Variants in MAMDC2 observed in about 807,000 individuals in gnomAD.
MAMDC2 encodes MAM domain-containing protein 2.
MAMDC2 carries 57 observed loss-of-function variants against 89.8 expected under a neutral mutation model. The ratio of observed to expected loss-of-function variants is 0.63; its 90% confidence interval spans 0.51 to 0.79. The LOEUF (loss-of-function observed/expected upper bound fraction) is 0.79. MAMDC2 is among the 30% of genes least tolerant of loss of function. The pLI, the probability that MAMDC2 is intolerant of heterozygous loss-of-function variation, is 0.00. For missense variants in MAMDC2, 800 were observed against 820.6 expected, an observed-to-expected ratio of 0.97 and a Z score of 0.31; for synonymous variants, 313 against 293.4, an observed-to-expected ratio of 1.07 and a Z score of -0.68.
At chr9:70,159,133 G>A (rs1200005934) in intron 9 of MAMDC2, among the ~76,000 whole-genome samples, 1 of 151,852 alleles carries the variant, frequency 6.6e-6, no homozygotes, top group African/African-American at 2.4e-5. Flanking sequence ...ATTATCATGT[G>A]CTCTTATATG....
In MAMDC2 at chr9:70,170,523, G is replaced by C; in HGVS notation, c.1543G>C (p.Glu515Gln). Reference sequence around the variant, plus strand: ...TGGAGAGTGTACTTTCGAGCAAGATGAATGTACATTTACTCAGGAGAAAAG... The same window carrying C: ...TGGAGAGTGTACTTTCGAGCAAGATCAATGTACATTTACTCAGGAGAAAAG... ...PPGECTFEQD[E>Q]CTFTQEKRNR... The change falls in exon 11 of 14, where the codon GAA becomes CAA. Residue 515 changes from glutamate (E) to glutamine (Q), a missense_variant. Coordinates refer to ENST00000377182, the MANE Select transcript of MAMDC2 (RefSeq NM_153267.5). 1 of 1,612,876 alleles carries C rather than the reference G, an allele frequency of 6.2e-7. No homozygotes were observed. The highest frequency in any genetic ancestry group is 8.5e-7 in the Non-Finnish European group (1 of 1,179,764).
chr9:70,142,407 A>G (rs1293098295), intron 8 of MAMDC2, among the ~76,000 whole-genome samples: 1 of 152,182 alleles, frequency 6.6e-6, no homozygotes, highest in African/African-American at 2.4e-5. Context: ...TTGGAATTTT[A>G]TTATAGAGGA....
chr9:70,078,925 C>T (rs537696778), intron 2 of MAMDC2, among the ~76,000 whole-genome samples: 27 of 152,156 alleles, frequency 1.8e-4, no homozygotes, highest in Non-Finnish European at 3.8e-4. Flanking sequence ...AGGAATTCTA[C>T]CTCCTTAGGA....
At chr9:70,192,551 G>A (rs2032901721) in intron 11 of MAMDC2, among the ~76,000 whole-genome samples, 1 of 152,010 alleles carries the variant, frequency 6.6e-6, no homozygotes, top group Admixed American at 6.6e-5. Flanking sequence ...GAGGGGAAGA[G>A]TATAAAAATT....
intron 2 of MAMDC2, among the ~76,000 whole-genome samples, chr9:70,073,333 G>A (rs549457338): frequency 5.1e-4 from 78 of 152,302 alleles, no homozygotes; most frequent in Non-Finnish European, 7.8e-4. Context: ...TACCTGAAGA[G>A]CACTGAATAT....
At chr9:70,094,997 A>T (rs2997687) in intron 2 of MAMDC2, among the ~76,000 whole-genome samples, 1,604 of 152,292 alleles carry the variant, frequency 0.011, 38 homozygotes, top group African/African-American at 0.037. Flanking sequence ...TGAAGTATAG[A>T]GTGAGCTAAG....
In MAMDC2 at chr9:70,126,362, A is replaced by C. The variant is rs1047202867; in HGVS notation, c.847A>C (p.Asn283His). Residue 283 changes from asparagine to histidine, a missense_variant, in exon 6 of 14, where the codon AAT becomes CAT. Physicochemically the swap from Asn to His is moderately conservative, Grantham distance 68 (BLOSUM62 1). Transcript: ENST00000377182. ...EEIWKADRPGNAAWNLAEVEF... is the reference protein window; with the variant it reads ...EEIWKADRPGHAAWNLAEVEF... ...AATCTGGAAAGCAGACAGGCCAGGG[A>C]ATGCTGCCTGGAACCTTGCGGAGGT... 2.5e-5 allele frequency: 41 copies of C among 1,613,928 alleles called. No individual in the cohort carries two copies. The highest frequency in any genetic ancestry group is 3.4e-5 in the Non-Finnish European group (40 of 1,180,002).
At chr9:70,088,657 A>C (rs1446262191) in intron 2 of MAMDC2, 1 of 151,096 alleles carries the variant, frequency 6.6e-6, no homozygotes, top group African/African-American at 2.4e-5. Flanking sequence ...TAAACATACT[A>C]GATTCACCAG....
chr9:70,113,559 GT>G (rs1828565974), intron 5 of MAMDC2, among the ~76,000 whole-genome samples: 1 of 152,196 alleles, frequency 6.6e-6, no homozygotes, highest in Non-Finnish European at 1.5e-5. Flanking sequence ...TGACAGTGAG[GT>G]GAGCCAATAC....
chr9:70,201,741 G>A (rs1272851596), intron 11 of MAMDC2, among the ~76,000 whole-genome samples: 1 of 143,300 alleles, frequency 7.0e-6, no homozygotes, highest in Non-Finnish European at 1.5e-5. Context: ...TCCTGTTATT[G>A]GTCTATTCAG....
chr9:70,124,089 G>A (rs2030414774), intron 5 of MAMDC2, among the ~76,000 whole-genome samples: 1 of 152,194 alleles, frequency 6.6e-6, no homozygotes, highest in Admixed American at 6.5e-5. Flanking sequence ...GCATGGGGCT[G>A]GGTGCCGGGC....
intron 6 of MAMDC2, among the ~76,000 whole-genome samples, chr9:70,128,421 G>A (rs1468928744): frequency 6.6e-6 from 1 of 152,094 alleles, no homozygotes; most frequent in East Asian, 1.9e-4. Flanking sequence ...CTTCCCCCTT[G>A]GCAAAGACAA....
intron 2 of MAMDC2, among the ~76,000 whole-genome samples, chr9:70,096,022 G>GT (rs961623833): frequency 4.4e-4 from 66 of 149,794 alleles, no homozygotes; most frequent in Middle Eastern, 3.5e-3. Context: ...TTTAATTTAA[G>GT]TTTTTTTTTT....
chr9:70,219,705 C>T (rs540163079), intron 12 of MAMDC2, among the ~76,000 whole-genome samples: 1 of 152,298 alleles, frequency 6.6e-6, no homozygotes, highest in Non-Finnish European at 1.5e-5. Flanking sequence ...GGATAAACAC[C>T]TAGACATTTG....
At chr9:70,115,197 G>A (rs1001885835) in intron 5 of MAMDC2, among the ~76,000 whole-genome samples, 3 of 152,158 alleles carry the variant, frequency 2.0e-5, no homozygotes, top group Non-Finnish European at 4.4e-5. Flanking sequence ...TATTTCAATA[G>A]ATGGAGAGTA....
At position 70,180,037 on chromosome 9, in the gene MAMDC2, C is replaced by T. The variant is rs1184091363; in HGVS notation, c.1651+9406C>T. ...TGTCCCCCCACCCCCCAACAGGCCCCGGTGTGTGATGCTCCCCTCCCTGTG... is the reference window on the plus strand; with the variant it reads ...TGTCCCCCCACCCCCCAACAGGCCCTGGTGTGTGATGCTCCCCTCCCTGTG... On this transcript the variant is annotated intron_variant, in intron 11 of 13. Transcript: ENST00000377182. 5.3e-5 allele frequency among the ~76,000 whole-genome samples: 8 copies of T among 151,532 alleles called. No homozygotes were observed. The South Asian group carries it at 8.4e-4, about 16-fold the overall frequency.
chr9:70,144,503 C>T (rs1381528331), intron 9 of MAMDC2, among the ~76,000 whole-genome samples: 1 of 152,202 alleles, frequency 6.6e-6, no homozygotes, highest in Non-Finnish European at 1.5e-5. Flanking sequence ...CTGTCAACTG[C>T]AACTCAGAAT....
chr9:70,116,471 T>C (rs758913218), intron 5 of MAMDC2, among the ~76,000 whole-genome samples: 5 of 146,350 alleles, frequency 3.4e-5, no homozygotes, highest in South Asian at 2.2e-4. Context: ...GAGTACTTTA[T>C]TACCTTGACT....
chr9:70,209,533 G>A lies in MAMDC2; in HGVS notation c.1652-8804G>A, dbSNP rs531965169. On this transcript the variant is annotated intron_variant, in intron 11 of 13. Transcript: ENST00000377182. ...GATTCTTCTCTGTTCTTTTTTATTAGTCTGAGCGGTCTATCTATCTATCTA... is the reference window on the plus strand; with the variant it reads ...GATTCTTCTCTGTTCTTTTTTATTAATCTGAGCGGTCTATCTATCTATCTA... Among the ~76,000 whole-genome samples the A allele has an allele frequency of 8.5e-3, 599 of 70,326 alleles. 3 individuals carry two copies. The highest frequency in any genetic ancestry group is 0.024 in the African/African-American group (554 of 22,618). The allele number at this position is 70,326 out of a possible 152,430, so 46.1% of individuals were successfully genotyped here.
Sources: allele counts gnomAD v4.1 joint callset (sites outside exome capture counted in the v4.1 genomes callset), GRCh38; gene constraint gnomAD v4.1.1; transcripts MANE v1.5; gene names NCBI Gene and HGNC (gene_info 2026-07-23, HGNC 2026-07-21).